The following KCTD8 variants were observed in gnomAD, a reference collection of about 807,000 sequenced individuals.
KCTD8 encodes potassium channel tetramerization domain containing 8, also known as BTB/POZ domain-containing protein KCTD8.
KCTD8 carries 27 observed loss-of-function variants against 31.5 expected under a neutral mutation model. The ratio of observed to expected loss-of-function variants is 0.86; its 90% CI spans 0.63 to 1.18. The LOEUF is 1.18. KCTD8 is among the 50% of genes most tolerant of loss of function. KCTD8 has a pLI of 0.00. For synonymous variants in KCTD8, 290 were observed against 280.0 expected (o/e 1.04, Z -0.36); for missense variants, 658 against 647.7 (o/e 1.02, Z -0.17).
chr4:44,310,213 T>C (rs1039307191), intron 1 of KCTD8, among the ~76,000 whole-genome samples: 8 of 152,116 alleles, frequency 5.3e-5, no homozygotes, highest in Non-Finnish European at 1.2e-4. Flanking sequence ...GTGATATATG[T>C]AATCCAGTGA....
chr4:44,416,088 G>A (rs1309188934), intron 1 of KCTD8, among the ~76,000 whole-genome samples: 2 of 152,228 alleles, frequency 1.3e-5, no homozygotes, highest in Admixed American at 1.3e-4. Flanking sequence ...CCTTGCACCA[G>A]TGTGCCCAGA....
intron 1 of KCTD8, among the ~76,000 whole-genome samples, chr4:44,176,151 G>C (rs751169509): frequency 6.6e-6 from 1 of 152,146 alleles, no homozygotes. Flanking sequence ...ACAATTCAGA[G>C]ATCTAAATTA....
At chr4:44,333,619 C>T (rs943975605) in intron 1 of KCTD8, among the ~76,000 whole-genome samples, 1 of 152,082 alleles carries the variant, frequency 6.6e-6, no homozygotes, top group African/African-American at 2.4e-5. Context: ...CATCCATTTC[C>T]TCACACATTT....
At chr4:44,312,208 G>C (rs945848585) in intron 1 of KCTD8, among the ~76,000 whole-genome samples, 1 of 151,986 alleles carries the variant, frequency 6.6e-6, no homozygotes, top group Non-Finnish European at 1.5e-5. Flanking sequence ...AGTGGCGGGA[G>C]TGTTTTCTTT....
At chr4:44,428,299 A>G (rs916813046) in intron 1 of KCTD8, among the ~76,000 whole-genome samples, 10 of 151,768 alleles carry the variant, frequency 6.6e-5, no homozygotes, top group African/African-American at 2.4e-4. Context: ...TTTTACTTTC[A>G]GTGTAGCTTC....
intron 1 of KCTD8, among the ~76,000 whole-genome samples, chr4:44,379,485 T>C (rs2109441747): frequency 6.6e-6 from 1 of 152,236 alleles, no homozygotes; most frequent in East Asian, 1.9e-4. Context: ...AAGGAAGCTC[T>C]GTTTATTTAA....
intron 1 of KCTD8, among the ~76,000 whole-genome samples, chr4:44,295,246 T>C (rs1717394123): frequency 6.6e-6 from 1 of 152,128 alleles, no homozygotes; most frequent in Non-Finnish European, 1.5e-5. Context: ...CAGTGAGCTA[T>C]GACTGTGCCA....
At chr4:44,181,440 G>A (rs1345278579) in intron 1 of KCTD8, among the ~76,000 whole-genome samples, 2 of 152,186 alleles carry the variant, frequency 1.3e-5, no homozygotes, top group Non-Finnish European at 2.9e-5. Flanking sequence ...TGGAGACGGG[G>A]TTTCGCTGTG....
chr4:44,382,197 A>T (rs1720082623), intron 1 of KCTD8, among the ~76,000 whole-genome samples: 1 of 152,074 alleles, frequency 6.6e-6, no homozygotes, highest in South Asian at 2.1e-4. Context: ...ATCAATAAAC[A>T]TCAGATTTGA....
chr4:44,295,652 A>G (rs1717408145), intron 1 of KCTD8, among the ~76,000 whole-genome samples: 1 of 152,138 alleles, frequency 6.6e-6, no homozygotes, highest in South Asian at 2.1e-4. Context: ...AATAGCACAG[A>G]CTGGTTAATT....
chr4:44,387,958 C>CT (rs1187987276), intron 1 of KCTD8, among the ~76,000 whole-genome samples: 1 of 150,498 alleles, frequency 6.6e-6, no homozygotes, highest in Non-Finnish European at 1.5e-5. Flanking sequence ...TTTTCGCAAA[C>CT]TATGCATCTA....
intron 1 of KCTD8, among the ~76,000 whole-genome samples, chr4:44,241,945 T>C (rs1314913486): frequency 6.6e-6 from 1 of 152,206 alleles, no homozygotes; most frequent in Non-Finnish European, 1.5e-5. Flanking sequence ...GTGTTTTTTT[T>C]CCATCACATA....
At chr4:44,364,071 A>T (rs1719568424) in intron 1 of KCTD8, among the ~76,000 whole-genome samples, 1 of 152,126 alleles carries the variant, frequency 6.6e-6, no homozygotes, top group Non-Finnish European at 1.5e-5. Flanking sequence ...CACTATCGAT[A>T]AAAGAAAAAC....
intron 1 of KCTD8, among the ~76,000 whole-genome samples, chr4:44,237,022 T>C (rs1715311623): frequency 6.6e-6 from 1 of 152,222 alleles, no homozygotes; most frequent in Non-Finnish European, 1.5e-5. Flanking sequence ...TGTGAGTCCA[T>C]TAAACCTGTT....
chr4:44,365,305 T>C (rs1344939528), intron 1 of KCTD8, among the ~76,000 whole-genome samples: 7 of 152,142 alleles, frequency 4.6e-5, no homozygotes, highest in African/African-American at 1.7e-4. Context: ...AACAGAACTA[T>C]GTCTAACAAC....
At chr4:44,424,469 C>T (rs1721297601) in intron 1 of KCTD8, among the ~76,000 whole-genome samples, 3 of 152,082 alleles carry the variant, frequency 2.0e-5, no homozygotes, top group Admixed American at 1.3e-4. Flanking sequence ...GAAATTAGTA[C>T]AGAAGAATGA....
At chr4:44,336,105 C>G (rs1284815144) in intron 1 of KCTD8, among the ~76,000 whole-genome samples, 3 of 140,606 alleles carry the variant, frequency 2.1e-5, no homozygotes, top group African/African-American at 7.9e-5. Flanking sequence ...AGCCGAGATC[C>G]CGCCACTGCA....
rs192013937 is a variant in KCTD8, at chr4:44,272,816, A to G, written c.962-97566T>C. Among the ~76,000 whole-genome samples the G allele has an allele frequency of 4.6e-3, 704 of 152,196 alleles. 24 individuals are homozygous for G. Among genetic ancestry groups the G allele is most frequent in the Admixed American group, 0.044 (668 of 15,246 alleles). ...CATATCACTGGAACTACTGAAATCC[A>G]CTTATTACTGCAATGCCACCAACAC... On this transcript the variant is annotated intron_variant, in intron 1 of 1. Coordinates refer to ENST00000360029, the MANE Select transcript of KCTD8 (RefSeq NM_198353.3).
chr4:44,216,834 C>T (rs751765220), intron 1 of KCTD8, among the ~76,000 whole-genome samples: 8 of 152,086 alleles, frequency 5.3e-5, no homozygotes, highest in South Asian at 2.1e-4. Context: ...TTCATGAGTG[C>T]GCATGAGACA....
Sources: gnomAD v4.1 joint callset for allele counts (sites outside exome capture counted in the v4.1 genomes callset) on GRCh38, gnomAD v4.1.1 for gene constraint, MANE v1.5 for transcripts, NCBI Gene and HGNC (gene_info 2026-07-23, HGNC 2026-07-21) for gene names.